The following IPO11 variants were observed in gnomAD, a reference collection of about 807,000 sequenced individuals.
IPO11 encodes importin-11.
Under a neutral mutation model 143.2 loss-of-function variants are expected in IPO11, and 66 were observed. That is an observed-to-expected ratio of 0.46 (90% CI 0.38 to 0.57). IPO11 has a LOEUF of 0.57. IPO11 is among the 20% of genes least tolerant of loss of function. The pLI, the probability that IPO11 is intolerant of heterozygous loss-of-function variation, is 0.00. For synonymous variants in IPO11, 385 were observed against 377.8 expected (o/e 1.02, Z -0.22); for missense variants, 1,026 against 1,141.0 (o/e 0.90, Z 1.45).
chr5:62,531,527 A>G (rs963785710), intron 22 of IPO11, among the ~76,000 whole-genome samples: 1 of 152,026 alleles, frequency 6.6e-6, no homozygotes, highest in African/African-American at 2.4e-5. Context: ...ACGGGGTTTC[A>G]CCGTGCTGGC....
At chr5:62,513,778 G>A (rs1267361257) in intron 19 of IPO11, among the ~76,000 whole-genome samples, 1 of 151,220 alleles carries the variant, frequency 6.6e-6, no homozygotes, top group African/African-American at 2.4e-5. Flanking sequence ...AGGCGGAGAC[G>A]CTCCTCACTT....
intron 5 of IPO11, among the ~76,000 whole-genome samples, chr5:62,458,985 A>G (rs1384491263): frequency 6.6e-6 from 1 of 152,134 alleles, no homozygotes; most frequent in African/African-American, 2.4e-5. Context: ...CCATCCATCT[A>G]TTTATCTGAC....
chr5:62,435,136 G>GTATATATGTGTA (rs1744149924), intron 1 of IPO11, among the ~76,000 whole-genome samples: 2 of 95,900 alleles, frequency 2.1e-5, no homozygotes, highest in Admixed American at 2.2e-4. Flanking sequence ...GTATATATAT[G>GTATATATGTGTA]TATATATGTA....
chr5:62,469,063 A>G (rs1745669507), intron 6 of IPO11, among the ~76,000 whole-genome samples: 1 of 152,206 alleles, frequency 6.6e-6, no homozygotes, highest in Non-Finnish European at 1.5e-5. Flanking sequence ...TGATATTATG[A>G]TAACTGATAA....
At chr5:62,567,498 T>A (rs32157) in intron 27 of IPO11, among the ~76,000 whole-genome samples, 8,997 of 146,128 alleles carry the variant, frequency 0.062, 377 homozygotes, top group East Asian at 0.13. Flanking sequence ...TATTATTATT[T>A]TTTTTACTAT....
intron 3 of IPO11, among the ~76,000 whole-genome samples, chr5:62,448,060 T>TC (rs771782507): frequency 3.9e-5 from 6 of 152,180 alleles, no homozygotes; most frequent in Non-Finnish European, 7.3e-5. Context: ...CCCTTTTTTT[T>TC]CTTTCTTGCT....
intron 16 of IPO11, among the ~76,000 whole-genome samples, chr5:62,497,501 T>G (rs1741196878): frequency 6.6e-6 from 1 of 152,208 alleles, no homozygotes. Context: ...AAGGTCTCAC[T>G]TTGTTGCCCA....
chr5:62,579,790 A>G, intron 27 of IPO11: 1 of 1,543,142 alleles, frequency 6.5e-7, no homozygotes, highest in Non-Finnish European at 8.8e-7. Context: ...TCTAAATAAT[A>G]ATTTCATCAA....
chr5:62,469,553 A>G (rs866393273), intron 6 of IPO11, among the ~76,000 whole-genome samples: 5 of 152,160 alleles, frequency 3.3e-5, no homozygotes, highest in South Asian at 4.1e-4. Flanking sequence ...TATTGTTGCT[A>G]AATAATTGCT....
intron 29 of IPO11, among the ~76,000 whole-genome samples, chr5:62,626,108 C>T (rs1056112207): frequency 5.9e-5 from 9 of 152,140 alleles, no homozygotes; most frequent in Non-Finnish European, 1.2e-4. Flanking sequence ...CAGCTCACTG[C>T]AACCTCCGCA....
chr5:62,606,007 A>T (rs1745700190), intron 29 of IPO11, among the ~76,000 whole-genome samples: 1 of 152,060 alleles, frequency 6.6e-6, no homozygotes, highest in African/African-American at 2.4e-5. Context: ...CCGGCATTAC[A>T]GGTGTGAGCC....
chr5:62,580,645 A>C, intron 27 of IPO11: 4 of 1,551,472 alleles, frequency 2.6e-6, no homozygotes, highest in Non-Finnish European at 3.5e-6. Flanking sequence ...TAACATTACA[A>C]ATTGTGTTAC....
Position 62,420,240 on chromosome 5 carries a change from A to G in IPO11, c.-7+7311A>G, listed in dbSNP as rs554650014. ...CGGGCGATGGAGGTTTCAGTGAGCC[A>G]AGATCGTACCACTGCACTCCAGCCT... On this transcript the variant is annotated intron_variant, in intron 1 of 29. Transcript: ENST00000325324. Among the ~76,000 whole-genome samples, 11 of 151,426 alleles carry G rather than the reference A, an allele frequency of 7.3e-5. No homozygotes were observed. In the South Asian group the frequency reaches 1.0e-3, roughly 14 times the overall value.
intron 1 of IPO11, among the ~76,000 whole-genome samples, chr5:62,435,991 G>A (rs973473951): frequency 1.8e-4 from 28 of 151,852 alleles, no homozygotes; most frequent in African/African-American, 5.3e-4. Flanking sequence ...TGTTGCACTC[G>A]AGCCTGGGTG....
chr5:62,454,477 T>C (rs1745053946), intron 5 of IPO11, among the ~76,000 whole-genome samples: 1 of 152,236 alleles, frequency 6.6e-6, no homozygotes, highest in Non-Finnish European at 1.5e-5. Flanking sequence ...ATTTCAACTT[T>C]ATCAAAGTTC....
intron 20 of IPO11, among the ~76,000 whole-genome samples, chr5:62,520,416 C>T (rs998810567): frequency 6.6e-6 from 1 of 152,024 alleles, no homozygotes; most frequent in East Asian, 1.9e-4. Context: ...GATACATGTG[C>T]ACAACGTGCA....
intron 29 of IPO11, among the ~76,000 whole-genome samples, chr5:62,618,902 A>C (rs985712778): frequency 6.6e-6 from 1 of 152,010 alleles, no homozygotes; most frequent in Admixed American, 6.6e-5. Flanking sequence ...ATGTACTATC[A>C]GTCTTTTTTT....
rs1340443352 is a variant in IPO11 at position 62,467,266 on chromosome 5, A to G, written c.649+3A>G. ...ACGAACACTGCTATCATTGAAAGGT[A>G]CTATTAAGCTTGATATGTTCATTTT... is the stretch of plus-strand genomic sequence containing the variant. On this transcript the variant is annotated splice_donor_region_variant and intron_variant, in intron 6 of 29. Transcript: ENST00000325324. The G allele has an allele frequency of 3.8e-5, 61 of 1,610,660 alleles. No homozygotes were observed. The highest frequency in any genetic ancestry group is 5.1e-5 in the Non-Finnish European group (60 of 1,179,002).
intron 1 of IPO11, among the ~76,000 whole-genome samples, chr5:62,429,598 G>A (rs1432044730): frequency 7.3e-6 from 1 of 136,848 alleles, no homozygotes; most frequent in Non-Finnish European, 1.5e-5. Context: ...GTGTGTGTGT[G>A]TGTGTGTGTG....
Sources: gnomAD v4.1 joint callset for allele counts (sites outside exome capture counted in the v4.1 genomes callset) on GRCh38, gnomAD v4.1.1 for gene constraint, MANE v1.5 for transcripts, NCBI Gene and HGNC (gene_info 2026-07-23, HGNC 2026-07-21) for gene names.